MCCC1: variants seen among roughly 807,000 people sequenced by gnomAD.
MCCC1 encodes methylcrotonoyl-CoA carboxylase subunit alpha, mitochondrial.
Under a neutral mutation model 83.8 loss-of-function variants are expected in MCCC1, and 64 were observed. That is an observed-to-expected ratio of 0.76 (90% confidence interval 0.62 to 0.94). The LOEUF (loss-of-function observed/expected upper bound fraction) is 0.94, where lower values mean the gene tolerates loss of function less well. Among genes scored for constraint, MCCC1 ranks in the 40% least tolerant of loss-of-function variants. The probability of loss-of-function intolerance (pLI) is 0.00; values close to 1 mark genes in which losing one functional copy is unlikely to be tolerated. For missense variants in MCCC1, 807 were observed against 904.7 expected, an observed-to-expected ratio of 0.89 and a Z score of 1.39; for synonymous variants, 322 against 315.4, an observed-to-expected ratio of 1.02 and a Z score of -0.22.
Position 183,070,636 on chromosome 3 carries a change from G to A in MCCC1, c.761+363C>T, listed in dbSNP as rs912498302. Among the ~76,000 whole-genome samples the A allele has an allele frequency of 5.9e-5, 9 of 152,004 alleles. No individual in the cohort carries two copies. In the East Asian group the frequency reaches 7.7e-4, roughly 13 times the overall value. On this transcript the variant is annotated intron_variant, in intron 7 of 18. Coordinates refer to ENST00000265594, the MANE Select transcript of MCCC1 (RefSeq NM_020166.5). ...TAATTCCAGCTACTTAGGAGGCTGA[G>A]GCAGGACAATCGCTTGAACTCGGGA...
In MCCC1 at chr3:183,015,512, C is replaced by G. The variant is rs1367399473; in HGVS notation, c.2104G>C (p.Gly702Arg). 2 of 1,613,982 alleles carry G rather than the reference C, an allele frequency of 1.2e-6. No homozygotes were observed. Among genetic ancestry groups the G allele is most frequent in the Admixed American group, 3.3e-5 (2 of 60,000 alleles). The change falls in exon 19 of 19, where the codon GGT (glycine) becomes CGT (arginine). Residue 702 changes from glycine (G) to arginine (R), a missense_variant. Gly to Arg is a moderately radical substitution (Grantham distance 125, BLOSUM62 -2). Coordinates refer to ENST00000265594, the MANE Select transcript of MCCC1 (RefSeq NM_020166.5). Reference sequence around the variant, plus strand: ...GGAGTGTGTCTGTTGGCCTGAGCACCTTCTCTGTAGAACACTTTCTTTACT... The same window carrying G: ...GGAGTGTGTCTGTTGGCCTGAGCACGTTCTCTGTAGAACACTTTCTTTACT... ...GTVKKVFYRE[G>R]AQANRHTPLV...
At chr3:183,106,081 T>TTAAAAA (rs1553872643) in intron 1 of MCCC1, among the ~76,000 whole-genome samples, 1 of 101,064 alleles carries the variant, frequency 9.9e-6, no homozygotes, top group Non-Finnish European at 2.0e-5. Context: ...AGAGAGTCCG[T>TTAAAAA]AAAAAAAAAA....
At chr3:183,020,378 A>C in intron 16 of MCCC1, 141 bp from the exon 17 acceptor site, 1 of 709,914 alleles carries the variant, frequency 1.4e-6, no homozygotes, top group Non-Finnish European at 2.4e-6. Flanking sequence ...ACGATTGTAA[A>C]CCCAGCACTT....
Position 183,027,631 on chromosome 3 carries a change from A to G in MCCC1, c.1682-1827T>C, listed in dbSNP as rs148886805. ...AGTTTGAGACCACCCTAGGAAACAA[A>G]GCAAGACCCCATCTCTAAAATAATA... On this transcript the variant is annotated intron_variant, in intron 14 of 18. Transcript: ENST00000265594. Among the ~76,000 whole-genome samples the G allele has an allele frequency of 1.5e-3, 226 of 152,330 alleles. 1 individual carries two copies. Among genetic ancestry groups the G allele is most frequent in the African/African-American group, 5.2e-3 (215 of 41,576 alleles).
Position 183,092,502 on chromosome 3 carries a change from A to C in MCCC1, c.180T>G (p.Ile60Met). The C allele has an allele frequency of 6.2e-7, 1 of 1,614,198 alleles. No individual in the cohort carries two copies. The change falls in exon 3 of 19, where the codon ATT becomes ATG. Residue 60 changes from isoleucine (I) to methionine (M), a missense_variant. By Grantham distance (10) the Ile-to-Met change is conservative. Transcript: ENST00000265594. ...TGGCTGTGCGCATCACCCTGCAGGC[A>C]ATTTCTCCTCTGTTTGCAATGAGGA... ...TKVLIANRGE[I>M]ACRVMRTAKK...
intron 4 of MCCC1, among the ~76,000 whole-genome samples, chr3:183,076,597 T>G (rs1466309053): frequency 6.6e-6 from 1 of 152,222 alleles, no homozygotes; most frequent in Non-Finnish European, 1.5e-5. Context: ...GATGATTTTA[T>G]TTTGCATTTC....
At chr3:183,028,593 A>G (rs1050490177) in intron 14 of MCCC1, among the ~76,000 whole-genome samples, 1 of 152,252 alleles carries the variant, frequency 6.6e-6, no homozygotes, top group African/African-American at 2.4e-5. Context: ...TATCAACATT[A>G]ACAAGAATTT....
rs6785680 is a variant in MCCC1, at chr3:183,071,579, T to C, written c.492-222A>G. ...CTATTTTTTAATCCCAAAATACTAA[T>C]ATATTGATTAGAAACATTAAGTATT... is the stretch of plus-strand genomic sequence containing the variant. On this transcript the variant is annotated intron_variant, in intron 5 of 18. Transcript: ENST00000265594. Among the ~76,000 whole-genome samples the C allele has an allele frequency of 0.9, 136,425 of 152,254 alleles. 61,505 individuals carry two copies. Among genetic ancestry groups the C allele is most frequent in the East Asian group, 1 (5,190 of 5,190 alleles).
At chr3:183,043,183 G>A (rs892550709) in intron 10 of MCCC1, among the ~76,000 whole-genome samples, 6 of 152,228 alleles carry the variant, frequency 3.9e-5, no homozygotes, top group Non-Finnish European at 8.8e-5. Context: ...CCAGCTACAC[G>A]GGAGGCTGAG....
At chr3:183,097,309 T>G (rs2108574233) in intron 1 of MCCC1, among the ~76,000 whole-genome samples, 1 of 152,342 alleles carries the variant, frequency 6.6e-6, no homozygotes, top group Middle Eastern at 3.4e-3. Flanking sequence ...TATTGTCATG[T>G]CTATAATTCT....
At chr3:183,042,423 T>C (rs1714166440) in intron 10 of MCCC1, among the ~76,000 whole-genome samples, 2 of 152,208 alleles carry the variant, frequency 1.3e-5, no homozygotes, top group South Asian at 4.1e-4. Flanking sequence ...AAATGGCTAT[T>C]GGAGGACACA....
At position 183,017,366 on chromosome 3, in the gene MCCC1, T is replaced by C. The variant is rs1306898026; in HGVS notation, c.1978-29A>G. 4 of 1,608,788 alleles carry C rather than the reference T, an allele frequency of 2.5e-6. No individual in the cohort carries two copies. The East Asian group carries it at 6.7e-5, about 27-fold the overall frequency. ...GAGATTCAGTGTGACAGGTTAATATTTGAAAACACAGAGGTCCTAGATATG... is the reference window on the plus strand; with the variant it reads ...GAGATTCAGTGTGACAGGTTAATATCTGAAAACACAGAGGTCCTAGATATG... On this transcript the variant is annotated intron_variant, in intron 17 of 18. Transcript: ENST00000265594.
intron 2 of MCCC1, among the ~76,000 whole-genome samples, chr3:183,094,135 G>A (rs915056444): frequency 1.2e-4 from 18 of 149,682 alleles, no homozygotes; most frequent in African/African-American, 2.5e-4. Flanking sequence ...TGCAACCTGC[G>A]CCTCCTGGGT....
chr3:183,101,809 T>A (rs977466015), upstream of MCCC1, among the ~76,000 whole-genome samples: 4 of 152,002 alleles, frequency 2.6e-5, no homozygotes, highest in Non-Finnish European at 5.9e-5. Context: ...GTAACACTTA[T>A]CACGAAGATC....
At chr3:183,027,820 G>C (rs143593865) in intron 14 of MCCC1, among the ~76,000 whole-genome samples, 17 of 152,304 alleles carry the variant, frequency 1.1e-4, no homozygotes, top group Admixed American at 1.1e-3. Flanking sequence ...AGAGAAGTGA[G>C]GAAGCTGCAG....
chr3:183,043,668 G>C (rs1333595393), intron 10 of MCCC1, among the ~76,000 whole-genome samples: 1 of 152,134 alleles, frequency 6.6e-6, no homozygotes, highest in Non-Finnish European at 1.5e-5. Context: ...CTATAAACCA[G>C]GTCCAGCAGC....
In MCCC1 at chr3:183,051,173, A is replaced by G. The variant is rs374143769; in HGVS notation, c.955+986T>C. On this transcript the variant is annotated intron_variant, in intron 9 of 18. Coordinates refer to ENST00000265594, the MANE Select transcript of MCCC1 (RefSeq NM_020166.5). ...CCCAGTAGCACGCTCCTTAGTATTC[A>G]CCCAAATAAACTAAAAAATTATGTC... is the stretch of plus-strand genomic sequence containing the variant. 3.3e-5 allele frequency among the ~76,000 whole-genome samples: 5 copies of G among 152,318 alleles called. No homozygotes were observed. In the South Asian group the frequency reaches 6.2e-4, roughly 19 times the overall value.
intron 10 of MCCC1, among the ~76,000 whole-genome samples, chr3:183,044,773 A>G (rs1457640231): frequency 1.3e-5 from 2 of 152,152 alleles, no homozygotes; most frequent in Non-Finnish European, 1.5e-5. Flanking sequence ...TGCCAAAAAA[A>G]GCTACAGCAT....
intron 10 of MCCC1, 65 bp downstream of exon 10, chr3:183,045,348 G>C: frequency 6.3e-7 from 1 of 1,598,072 alleles, no homozygotes; most frequent in Admixed American, 1.7e-5. Context: ...CCAAAGTGCT[G>C]GGACTACAGG....
Sources: gnomAD v4.1 joint callset for allele counts (sites outside exome capture counted in the v4.1 genomes callset) on GRCh38, gnomAD v4.1.1 for gene constraint, MANE v1.5 for transcripts, NCBI Gene and HGNC (gene_info 2026-07-23, HGNC 2026-07-21) for gene names.